The following VAC14 variants were observed in gnomAD, a reference collection of about 807,000 sequenced individuals.
VAC14 encodes the protein VAC14 component of PIKFYVE complex, also known as protein VAC14 homolog.
In VAC14, 47 loss-of-function variants were observed where a neutral mutation model predicts 85.3. That is an observed-to-expected ratio of 0.55 (90% CI 0.44 to 0.70). VAC14 has a LOEUF of 0.70. Ranked by LOEUF, VAC14 falls within the 30% of genes least tolerant of loss-of-function variation. The pLI, the probability that VAC14 is intolerant of heterozygous loss-of-function variation, is 0.00. For missense variants in VAC14, 861 were observed against 1,004.3 expected (o/e 0.86, Z 1.93); for synonymous variants, 447 against 430.5 (o/e 1.04, Z -0.47).
Position 70,785,735 on chromosome 16 carries a change from G to C in VAC14, c.390C>G (p.Pro130=). 1 of 1,568,764 alleles carries C rather than the reference G, an allele frequency of 6.4e-7. No homozygotes were observed. Among genetic ancestry groups the C allele is most frequent in the Non-Finnish European group, 8.7e-7 (1 of 1,155,870 alleles). ...IVKVARGAVL[P]HFNVLFDGLS... ...GCCCGTCAAAGAGCACGTTGAAGTG[G>C]GGCAGCACAGCGCCCCGGGCCACCT... Residue 130 remains proline (P), a synonymous_variant, in exon 3 of 19, where the codon CCC becomes CCG. Coordinates refer to ENST00000261776, the MANE Select transcript of VAC14 (RefSeq NM_018052.5).
intron 13 of VAC14, among the ~76,000 whole-genome samples, chr16:70,743,369 G>A (rs192873786): frequency 7.3e-4 from 111 of 152,352 alleles, no homozygotes; most frequent in East Asian, 2.5e-3. Flanking sequence ...CTGGCCACCC[G>A]AGCCAGCAGT....
At chr16:70,692,673 G>GC (rs1460777057) in intron 18 of VAC14, 148 bp downstream of exon 18, 1 of 1,074,528 alleles carries the variant, frequency 9.3e-7, no homozygotes, top group East Asian at 2.6e-5. Flanking sequence ...AGTGGCTGCG[G>GC]GGGGGATGGT....
At chr16:70,704,187 G>C (rs1344198339) in intron 14 of VAC14, among the ~76,000 whole-genome samples, 1 of 152,256 alleles carries the variant, frequency 6.6e-6, no homozygotes, top group Non-Finnish European at 1.5e-5. Context: ...GGCAGGAGGA[G>C]TAAGGTGTCA....
Position 70,784,121 on chromosome 16 carries a change from T to C in VAC14, c.586A>G (p.Ile196Val), listed in dbSNP as rs907639515. The C allele has an allele frequency of 1.2e-6, 2 of 1,614,066 alleles. No individual in the cohort carries two copies. The highest frequency in any genetic ancestry group is 1.7e-6 in the Non-Finnish European group (2 of 1,179,942). ...GTCCGGCCAGGCCTTACCCAGGAGA[T>C]GATGAACTGCCGGGCATACTGGTTG... ...SNNQYARQFI[I>V]SWILVLESVP... Residue 196 changes from isoleucine (I) to valine (V), a missense_variant, in exon 5 of 19, where the codon ATC (isoleucine) becomes GTC (valine). Transcript: ENST00000261776.
intron 17 of VAC14, among the ~76,000 whole-genome samples, chr16:70,693,393 G>A (rs892881795): frequency 1.3e-5 from 2 of 152,232 alleles, no homozygotes; most frequent in East Asian, 1.9e-4. Context: ...GGCTCCACAC[G>A]TGCCAGCACG....
At chr16:70,789,437 T>A (rs1462658129) in intron 1 of VAC14, among the ~76,000 whole-genome samples, 3 of 152,162 alleles carry the variant, frequency 2.0e-5, no homozygotes, top group Non-Finnish European at 4.4e-5. Flanking sequence ...ATTCTGTTAA[T>A]CAACTTATAT....
intron 14 of VAC14, among the ~76,000 whole-genome samples, chr16:70,702,159 C>G (rs773864614): frequency 3.9e-5 from 6 of 152,232 alleles, no homozygotes; most frequent in African/African-American, 1.4e-4. Context: ...CCAGGCAGGC[C>G]TTTTTGTGCT....
At chr16:70,689,976 T>C in intron 18 of VAC14, 1 of 985,476 alleles carries the variant, frequency 1.0e-6, no homozygotes, top group Non-Finnish European at 1.2e-6. Context: ...GACCCTAAAG[T>C]GTGTCTTCTG....
chr16:70,709,241 T>C (rs2142995022), intron 14 of VAC14, among the ~76,000 whole-genome samples: 1 of 152,298 alleles, frequency 6.6e-6, no homozygotes, highest in South Asian at 2.1e-4. Context: ...TTGGTCAGCC[T>C]AACCCCAGCA....
rs372835757 is a variant in VAC14, at chr16:70,758,714, C to G, written c.1371+3826G>C. 9.5e-4 allele frequency among the ~76,000 whole-genome samples: 144 copies of G among 152,328 alleles called. 2 individuals carry two copies. Among genetic ancestry groups the G allele is most frequent in the African/African-American group, 3.1e-3 (130 of 41,582 alleles). On this transcript the variant is annotated intron_variant, in intron 12 of 18. Transcript: ENST00000261776. ...GCAGGGGAAGCAGCAGTCTCACCTC[C>G]CAAACAGGGACCCAGCAGGATGCAG...
At chr16:70,781,329 T>C (rs1050867332) in intron 8 of VAC14, among the ~76,000 whole-genome samples, 3 of 152,196 alleles carry the variant, frequency 2.0e-5, no homozygotes, top group Admixed American at 6.5e-5. Flanking sequence ...ACCTCTTTTC[T>C]TTATAAATTA....
At chr16:70,696,058 G>A (rs1275457066) in intron 16 of VAC14, among the ~76,000 whole-genome samples, 1 of 152,216 alleles carries the variant, frequency 6.6e-6, no homozygotes, top group Non-Finnish European at 1.5e-5. Flanking sequence ...ACACTGTGGG[G>A]AGCCAGGCAG....
chr16:70,755,652 G>T (rs534653839), intron 12 of VAC14, among the ~76,000 whole-genome samples: 2 of 152,170 alleles, frequency 1.3e-5, no homozygotes, highest in Non-Finnish European at 2.9e-5. Flanking sequence ...CTTCAGCTGG[G>T]GCCCTCTCCT....
intron 7 of VAC14, 148 bp from the exon 8 acceptor site, chr16:70,782,151 G>A (rs528585726): frequency 1.7e-6 from 2 of 1,170,942 alleles, no homozygotes; most frequent in African/African-American, 1.5e-5. Flanking sequence ...TACTACCTGT[G>A]TGCTTTGCCT....
chr16:70,719,942 C>T (rs898391607), intron 14 of VAC14, among the ~76,000 whole-genome samples: 1 of 152,206 alleles, frequency 6.6e-6, no homozygotes, highest in Non-Finnish European at 1.5e-5. Flanking sequence ...CGAAAATAAC[C>T]CCCATGCCCA....
intron 15 of VAC14, 91 bp from the exon 16 acceptor site, chr16:70,697,348 T>A: frequency 9.4e-7 from 1 of 1,064,738 alleles, no homozygotes; most frequent in Non-Finnish European, 1.4e-6. Context: ...GCCACAGGTC[T>A]AAGTCCCAGG....
At chr16:70,735,688 C>T (rs1199127125) in intron 13 of VAC14, among the ~76,000 whole-genome samples, 2 of 152,260 alleles carry the variant, frequency 1.3e-5, no homozygotes. Context: ...TCCCAAGAAC[C>T]TCCTAGACAG....
intron 14 of VAC14, chr16:70,699,688 T>C (rs2053784855): frequency 6.6e-6 from 1 of 152,192 alleles, no homozygotes; most frequent in African/African-American, 2.4e-5. Context: ...CGCGCTGCTT[T>C]TCCACGTGCC....
chr16:70,782,575 T>C (rs1424429446), intron 7 of VAC14, among the ~76,000 whole-genome samples: 1 of 152,216 alleles, frequency 6.6e-6, no homozygotes, highest in Non-Finnish European at 1.5e-5. Context: ...TAACAGCAGG[T>C]ACTTGATTGA....
Sources: allele counts gnomAD v4.1 joint callset (sites outside exome capture counted in the v4.1 genomes callset), GRCh38; gene constraint gnomAD v4.1.1; transcripts MANE v1.5; gene names NCBI Gene and HGNC (gene_info 2026-07-23, HGNC 2026-07-21).